The following SUGCT variants were observed in gnomAD, a reference collection of about 807,000 sequenced individuals.
The protein encoded by SUGCT is succinyl-CoA:glutarate-CoA transferase, also known as succinyl-CoA:glutarate CoA-transferase.
A neutral mutation model predicts 55.0 loss-of-function variants in SUGCT; 41 were observed. That is an observed-to-expected ratio of 0.74 (90% CI 0.58 to 0.97). SUGCT has a LOEUF of 0.97. Ranked by LOEUF, SUGCT falls within the 50% of genes least tolerant of loss-of-function variation. The pLI, the probability that SUGCT is intolerant of heterozygous loss-of-function variation, is 0.00. For missense variants in SUGCT, 568 were observed against 547.8 expected (o/e 1.04, Z -0.37); for synonymous variants, 187 against 200.4 (o/e 0.93, Z 0.56).
chr7:40,511,878 T>C (rs1173190371), intron 12 of SUGCT, among the ~76,000 whole-genome samples: 1 of 152,132 alleles, frequency 6.6e-6, no homozygotes, highest in Admixed American at 6.5e-5. Context: ...CCTGAAATAT[T>C]ATTAATATTT....
the SUGCT span, among the ~76,000 whole-genome samples, chr7:41,010,400 G>T: frequency 0.41 from 61,857 of 152,088 alleles, 12,743 homozygotes; most frequent in South Asian, 0.44. Flanking sequence ...GATAGGATTA[G>T]TTTGGGAAAC....
intron 12 of SUGCT, among the ~76,000 whole-genome samples, chr7:40,712,074 T>G (rs1293834651): frequency 1.3e-5 from 2 of 152,256 alleles, no homozygotes; most frequent in Non-Finnish European, 2.9e-5. Context: ...CCATAACAGC[T>G]GGCACTTGAA....
At chr7:40,921,951 T>C in the SUGCT span, among the ~76,000 whole-genome samples, 10 of 152,190 alleles carry the variant, frequency 6.6e-5, no homozygotes, top group Non-Finnish European at 1.0e-4. Context: ...AAGTTGCATA[T>C]ATCCATAACA....
chr7:40,688,894 A>T (rs957556132), intron 12 of SUGCT, among the ~76,000 whole-genome samples: 10 of 152,174 alleles, frequency 6.6e-5, no homozygotes, highest in Non-Finnish European at 1.3e-4. Flanking sequence ...TTAAAAAAAA[A>T]TTTTGGAGAG....
At chr7:40,900,838 A>G in the SUGCT span, among the ~76,000 whole-genome samples, 1 of 152,250 alleles carries the variant, frequency 6.6e-6, no homozygotes, top group African/African-American at 2.4e-5. Context: ...TTTTTCATTT[A>G]CAAAGTGATT....
chr7:40,831,336 A>G (rs10279715), intron 13 of SUGCT, among the ~76,000 whole-genome samples: 64,769 of 151,832 alleles, frequency 0.43, 14,416 homozygotes, highest in South Asian at 0.62. Flanking sequence ...CATTGCTTAC[A>G]CCTGCTGTGG....
intron 9 of SUGCT, among the ~76,000 whole-genome samples, chr7:40,400,413 C>T (rs1785999169): frequency 6.6e-6 from 1 of 152,108 alleles, no homozygotes; most frequent in Admixed American, 6.5e-5. Context: ...GCAGGCAGGT[C>T]ACATAGCGAG....
At chr7:40,502,422 A>G (rs1255261166) in intron 12 of SUGCT, among the ~76,000 whole-genome samples, 2 of 152,114 alleles carry the variant, frequency 1.3e-5, no homozygotes, top group African/African-American at 4.8e-5. Context: ...GTGCTTTACA[A>G]TAAAAATCTA....
At chr7:40,906,859 A>T in the SUGCT span, among the ~76,000 whole-genome samples, 21 of 152,128 alleles carry the variant, frequency 1.4e-4, no homozygotes, top group African/African-American at 4.6e-4. Context: ...AATAGATGGG[A>T]ATTATAATTT....
intron 1 of SUGCT, among the ~76,000 whole-genome samples, chr7:40,175,847 T>G (rs1562815872): frequency 6.6e-6 from 1 of 152,162 alleles, no homozygotes; most frequent in Non-Finnish European, 1.5e-5. Flanking sequence ...ACATGCACAA[T>G]GACCTACTCA....
chr7:40,598,370 T>C (rs912774133), intron 12 of SUGCT, among the ~76,000 whole-genome samples: 3 of 152,230 alleles, frequency 2.0e-5, no homozygotes, highest in Non-Finnish European at 4.4e-5. Context: ...AATCAACGTC[T>C]TGAACCTTGT....
At chr7:40,899,236 C>T in the SUGCT span, among the ~76,000 whole-genome samples, 1 of 152,174 alleles carries the variant, frequency 6.6e-6, no homozygotes, top group Non-Finnish European at 1.5e-5. Flanking sequence ...GCCCTCCTTC[C>T]CTCCCTCCTC....
At chr7:40,849,841 G>A (rs1047426745) in intron 13 of SUGCT, among the ~76,000 whole-genome samples, 1 of 152,028 alleles carries the variant, frequency 6.6e-6, no homozygotes, top group Non-Finnish European at 1.5e-5. Context: ...GGTAACTTTC[G>A]ACAGAGGAGA....
At chr7:40,357,777 T>A (rs935332588) in intron 9 of SUGCT, among the ~76,000 whole-genome samples, 13 of 152,174 alleles carry the variant, frequency 8.5e-5, no homozygotes, top group African/African-American at 1.7e-4. Flanking sequence ...TTCTTTTTTT[T>A]AATCTTCTTT....
intron 9 of SUGCT, among the ~76,000 whole-genome samples, chr7:40,339,246 T>C (rs1796907713): frequency 6.6e-6 from 1 of 152,204 alleles, no homozygotes; most frequent in Non-Finnish European, 1.5e-5. Flanking sequence ...AAACTCTGTG[T>C]TGGGAGAACC....
intron 1 of SUGCT, among the ~76,000 whole-genome samples, chr7:40,173,851 T>A: frequency 6.7e-6 from 1 of 148,990 alleles, no homozygotes; most frequent in Middle Eastern, 3.6e-3. Context: ...ATCATATAAA[T>A]TATATATAAT....
At chr7:40,923,089 A>G in the SUGCT span, among the ~76,000 whole-genome samples, 27 of 152,222 alleles carry the variant, frequency 1.8e-4, no homozygotes, top group Non-Finnish European at 3.1e-4. Flanking sequence ...GAGCCTCTAT[A>G]AAATAGAAAT....
intron 12 of SUGCT, among the ~76,000 whole-genome samples, chr7:40,534,751 G>A (rs751125190): frequency 6.6e-6 from 1 of 152,104 alleles, no homozygotes. Flanking sequence ...CTGATTTCCA[G>A]TAATTTCCGA....
intron 12 of SUGCT, among the ~76,000 whole-genome samples, chr7:40,730,980 A>T (rs892995187): frequency 3.3e-5 from 5 of 152,206 alleles, no homozygotes; most frequent in African/African-American, 1.2e-4. Context: ...ATGGACAAGT[A>T]ATAGACTTGG....
Sources: allele counts gnomAD v4.1 joint callset (sites outside exome capture counted in the v4.1 genomes callset), GRCh38; gene constraint gnomAD v4.1.1; transcripts MANE v1.5; gene names NCBI Gene and HGNC (gene_info 2026-07-23, HGNC 2026-07-21).